The following KHDRBS2 variants were observed in gnomAD, a reference collection of about 807,000 sequenced individuals.
The protein encoded by KHDRBS2 is KH RNA binding domain containing, signal transduction associated 2.
A neutral mutation model predicts 44.3 loss-of-function variants in KHDRBS2; 26 were observed. That is an observed-to-expected ratio of 0.59 (90% CI 0.43 to 0.81). KHDRBS2 has a LOEUF of 0.81. KHDRBS2 is among the 40% of genes least tolerant of loss of function. The pLI is 0.00. For missense variants in KHDRBS2, 476 were observed against 433.1 expected (o/e 1.10, Z -0.88); for synonymous variants, 194 against 151.1 (o/e 1.28, Z -2.08).
At chr6:61,577,872 GA>G in the KHDRBS2 span, among the ~76,000 whole-genome samples, 592 of 152,220 alleles carry the variant, frequency 3.9e-3, 4 homozygotes, top group Non-Finnish European at 6.6e-3. Flanking sequence ...GTTACGGAAT[GA>G]GAGCATTTTC....
chr6:61,663,106 T>A, the KHDRBS2 span, among the ~76,000 whole-genome samples: 1 of 151,312 alleles, frequency 6.6e-6, no homozygotes, highest in African/African-American at 2.4e-5. Flanking sequence ...TGTAGGGACA[T>A]GGATGAAACT....
chr6:61,574,866 C>G, the KHDRBS2 span, among the ~76,000 whole-genome samples: 1 of 152,100 alleles, frequency 6.6e-6, no homozygotes, highest in Admixed American at 6.6e-5. Context: ...AGAGATCATG[C>G]CATTGCACTC....
chr6:62,219,027 G>C (rs2150150819), intron 1 of KHDRBS2, among the ~76,000 whole-genome samples: 1 of 151,826 alleles, frequency 6.6e-6, no homozygotes, highest in Admixed American at 6.6e-5. Flanking sequence ...GAAGTGGGCA[G>C]GGTAATGAGA....
At chr6:61,877,268 A>T (rs1176159857) in intron 6 of KHDRBS2, among the ~76,000 whole-genome samples, 1 of 151,992 alleles carries the variant, frequency 6.6e-6, no homozygotes, top group African/African-American at 2.4e-5. Flanking sequence ...CAGAAAGAAA[A>T]TTAGGAAGCC....
At position 62,072,991 on chromosome 6, in the gene KHDRBS2, C is replaced by A. The variant is rs367798946; in HGVS notation, c.220-24997G>T. On this transcript the variant is annotated intron_variant, in intron 2 of 8. Transcript: ENST00000281156. ...GGTCCTGGACTTTTTTTGGTTGGTA[C>A]GCTATTAATTATTGCCTCAATTTCA... 4.5e-3 allele frequency among the ~76,000 whole-genome samples: 677 copies of A among 151,818 alleles called. 5 individuals carry two copies. The highest frequency in any genetic ancestry group is 0.016 in the African/African-American group (655 of 41,436).
At chr6:62,067,091 A>C (rs1323824252) in intron 2 of KHDRBS2, among the ~76,000 whole-genome samples, 3 of 151,502 alleles carry the variant, frequency 2.0e-5, no homozygotes, top group Non-Finnish European at 4.4e-5. Flanking sequence ...AAATATTGTC[A>C]ATCTGTTCAA....
chr6:61,606,537 C>T, the KHDRBS2 span, among the ~76,000 whole-genome samples: 1 of 152,050 alleles, frequency 6.6e-6, no homozygotes, highest in Non-Finnish European at 1.5e-5. Flanking sequence ...TATGAAAATT[C>T]CAAGAAACGG....
At chr6:62,232,525 C>G (rs1328256303) in intron 1 of KHDRBS2, among the ~76,000 whole-genome samples, 1 of 151,914 alleles carries the variant, frequency 6.6e-6, no homozygotes, top group Admixed American at 6.6e-5. Flanking sequence ...AAAAAACCAC[C>G]AACAACAACA....
chr6:62,157,974 C>T (rs1396092990), intron 2 of KHDRBS2, among the ~76,000 whole-genome samples: 2 of 151,956 alleles, frequency 1.3e-5, no homozygotes, highest in Non-Finnish European at 2.9e-5. Context: ...GTATTTATTC[C>T]ACAGATATTA....
intron 7 of KHDRBS2, among the ~76,000 whole-genome samples, chr6:61,704,586 A>G (rs1769195343): frequency 6.6e-6 from 1 of 151,766 alleles, no homozygotes; most frequent in African/African-American, 2.4e-5. Flanking sequence ...ATCTTGAAGG[A>G]CCTTGTCTTA....
chr6:61,672,799 C>G, the KHDRBS2 span, among the ~76,000 whole-genome samples: 1 of 149,390 alleles, frequency 6.7e-6, no homozygotes, highest in Non-Finnish European at 1.5e-5. Context: ...TGTAGGTTGC[C>G]TGTTCACTCT....
chr6:61,945,150 T>TATATATATAC lies in KHDRBS2; in HGVS notation c.483+32915_483+32916insGTATATATAT, dbSNP rs371595813. 7.4e-4 allele frequency among the ~76,000 whole-genome samples: 64 copies of TATATATATAC among 86,986 alleles called. 2 individuals carry two copies. The highest frequency in any genetic ancestry group is 2.0e-3 in the South Asian group (5 of 2,460). The allele number at this position is 86,986 out of a possible 152,430, so 57.1% of individuals were successfully genotyped here. ...ATATATATATATATATATATATATA[T>TATATATATAC]ACACACAGACTTGTCTTGATAAAGT... On this transcript the variant is annotated intron_variant, in intron 4 of 8. Coordinates refer to ENST00000281156, the MANE Select transcript of KHDRBS2 (RefSeq NM_152688.4).
chr6:61,657,140 T>C, the KHDRBS2 span, among the ~76,000 whole-genome samples: 1 of 151,962 alleles, frequency 6.6e-6, no homozygotes, highest in Non-Finnish European at 1.5e-5. Context: ...CTCTGGATCT[T>C]ACCTGTCCCT....
chr6:61,737,104 G>A (rs561044950), intron 6 of KHDRBS2, among the ~76,000 whole-genome samples: 1 of 152,002 alleles, frequency 6.6e-6, no homozygotes, highest in East Asian at 1.9e-4. Flanking sequence ...ACAGCTAAAA[G>A]ATAAATGTTT....
the KHDRBS2 span, among the ~76,000 whole-genome samples, chr6:61,551,680 C>T: frequency 2.6e-5 from 4 of 152,050 alleles, no homozygotes; most frequent in Admixed American, 2.6e-4. Flanking sequence ...TGTAGGTGTG[C>T]AGCATTATTT....
chr6:62,005,680 G>A (rs180927031), intron 3 of KHDRBS2, among the ~76,000 whole-genome samples: 84 of 151,436 alleles, frequency 5.5e-4, no homozygotes, highest in African/African-American at 2.0e-3. Context: ...TGAAGTCTTT[G>A]GAACTTGAAA....
At chr6:61,565,482 A>C in the KHDRBS2 span, among the ~76,000 whole-genome samples, 1 of 152,178 alleles carries the variant, frequency 6.6e-6, no homozygotes, top group Non-Finnish European at 1.5e-5. Flanking sequence ...AAAACAAATA[A>C]TTTAATTTGT....
At chr6:61,821,246 C>T (rs1452228266) in intron 6 of KHDRBS2, among the ~76,000 whole-genome samples, 3 of 151,936 alleles carry the variant, frequency 2.0e-5, no homozygotes, top group Non-Finnish European at 4.4e-5. Flanking sequence ...TACTGGGGTG[C>T]TATTTAAACA....
chr6:62,163,259 C>G (rs1011366101), intron 2 of KHDRBS2, among the ~76,000 whole-genome samples: 2 of 151,922 alleles, frequency 1.3e-5, no homozygotes, highest in African/African-American at 4.8e-5. Context: ...GACTTTAATT[C>G]CCGTGATTTC....
Sources: allele counts gnomAD v4.1 joint callset (sites outside exome capture counted in the v4.1 genomes callset), GRCh38; gene constraint gnomAD v4.1.1; transcripts MANE v1.5; gene names NCBI Gene and HGNC (gene_info 2026-07-23, HGNC 2026-07-21).